OSBP2: variants seen among roughly 807,000 people sequenced by gnomAD.
OSBP2 encodes the protein oxysterol-binding protein 2.
OSBP2 carries 66 observed loss-of-function variants against 96.0 expected under a neutral mutation model. The observed-to-expected ratio is 0.69, with a 90% confidence interval of 0.56 to 0.84. The LOEUF (loss-of-function observed/expected upper bound fraction) is 0.84, where lower values mean the gene tolerates loss of function less well. OSBP2 is among the 40% of genes least tolerant of loss of function. OSBP2 has a pLI of 0.00. For missense variants in OSBP2, 1,038 were observed against 1,222.7 expected, an observed-to-expected ratio of 0.85 and a Z score of 2.25; for synonymous variants, 525 against 520.9, an observed-to-expected ratio of 1.01 and a Z score of -0.11.
At chr22:30,836,255 C>G (rs540486625) in intron 2 of OSBP2, among the ~76,000 whole-genome samples, 1 of 152,196 alleles carries the variant, frequency 6.6e-6, no homozygotes, top group African/African-American at 2.4e-5. Context: ...TCAAGTCCCC[C>G]TGCTCGCTTA....
At chr22:30,807,470 GCT>G (rs577142062) in intron 2 of OSBP2, among the ~76,000 whole-genome samples, 15 of 152,146 alleles carry the variant, frequency 9.9e-5, no homozygotes, top group South Asian at 2.1e-4. Flanking sequence ...CACAGATTCT[GCT>G]CTCGGCACTG....
intron 2 of OSBP2, among the ~76,000 whole-genome samples, chr22:30,759,792 C>T (rs1435252920): frequency 1.3e-5 from 2 of 152,180 alleles, no homozygotes; most frequent in East Asian, 3.8e-4. Flanking sequence ...AAAAGAATAA[C>T]ACTATTTCCA....
intron 3 of OSBP2, among the ~76,000 whole-genome samples, chr22:30,872,153 A>T (rs1264027450): frequency 6.6e-6 from 1 of 152,176 alleles, no homozygotes; most frequent in African/African-American, 2.4e-5. Context: ...TGTTGGCCCC[A>T]TTGTCACCTG....
intron 1 of OSBP2, among the ~76,000 whole-genome samples, chr22:30,723,923 C>T (rs974042705): frequency 6.6e-6 from 1 of 152,156 alleles, no homozygotes; most frequent in Non-Finnish European, 1.5e-5. Flanking sequence ...TTAGGGTTCA[C>T]TCTTGGTGCG....
intron 2 of OSBP2, among the ~76,000 whole-genome samples, chr22:30,831,766 T>G (rs11089478): frequency 1.3e-5 from 2 of 151,844 alleles, no homozygotes; most frequent in Non-Finnish European, 2.9e-5. Flanking sequence ...CCAAGGGACA[T>G]TCCAGATGCA....
chr22:30,849,072 G>C (rs1429626849), intron 2 of OSBP2, among the ~76,000 whole-genome samples: 1 of 152,040 alleles, frequency 6.6e-6, no homozygotes, highest in Non-Finnish European at 1.5e-5. Flanking sequence ...TTTGAGACCA[G>C]CCTGGCCAAC....
intron 2 of OSBP2, among the ~76,000 whole-genome samples, chr22:30,862,739 T>C (rs2039240837): frequency 1.3e-5 from 2 of 151,526 alleles, no homozygotes; most frequent in Non-Finnish European, 2.9e-5. Context: ...TTTGGGAGGC[T>C]AAGGTGGGTG....
intron 1 of OSBP2, among the ~76,000 whole-genome samples, chr22:30,719,214 C>T (rs995097631): frequency 9.2e-5 from 14 of 152,150 alleles, no homozygotes; most frequent in African/African-American, 3.1e-4. Context: ...TCTCTTTCAG[C>T]CTTAGTTTGT....
chr22:30,881,831 A>T lies in OSBP2; in HGVS notation c.1108-5595A>T, dbSNP rs994912502. Reference sequence around the variant, plus strand: ...GGTGCATCCGGGCTGGGGGAGGTGGACGGGCTCTCTGCATCCATGGGGTGA... The same window carrying T: ...GGTGCATCCGGGCTGGGGGAGGTGGTCGGGCTCTCTGCATCCATGGGGTGA... On this transcript the variant is annotated intron_variant, in intron 3 of 13. Coordinates refer to ENST00000332585, the MANE Select transcript of OSBP2 (RefSeq NM_030758.4). The surrounding 1 kb of genome is among the most constrained non-coding windows in gnomAD (Gnocchi z 4.5). 8.4e-6 allele frequency: 11 copies of T among 1,303,530 alleles called. No homozygotes were observed. Among genetic ancestry groups the T allele is most frequent in the Non-Finnish European group, 1.0e-5 (10 of 988,676 alleles). 80.7% of individuals were successfully genotyped at this position (1,303,530 alleles called of 1,614,324 possible).
intron 2 of OSBP2, among the ~76,000 whole-genome samples, chr22:30,829,614 C>G (rs773921385): frequency 6.6e-6 from 1 of 152,178 alleles, no homozygotes; most frequent in Non-Finnish European, 1.5e-5. Context: ...GCCACCACGC[C>G]GGGCCCTTAC....
chr22:30,768,840 C>A (rs548852741), intron 2 of OSBP2, among the ~76,000 whole-genome samples: 1 of 152,274 alleles, frequency 6.6e-6, no homozygotes, highest in South Asian at 2.1e-4. Flanking sequence ...GGAGTTTATT[C>A]TTTGTTACTG....
chr22:30,778,967 C>T (rs2090475135), intron 2 of OSBP2, among the ~76,000 whole-genome samples: 1 of 150,036 alleles, frequency 6.7e-6, no homozygotes, highest in South Asian at 2.1e-4. Flanking sequence ...ACCTGGGAGG[C>T]AGAGGTTGCA....
intron 2 of OSBP2, among the ~76,000 whole-genome samples, chr22:30,842,188 C>A (rs921980263): frequency 2.6e-5 from 4 of 152,150 alleles, no homozygotes; most frequent in Non-Finnish European, 5.9e-5. Context: ...GTGGGAGTAT[C>A]CCTTGAGCTC....
At chr22:30,904,118 T>TG (rs2040277542) in intron 12 of OSBP2, among the ~76,000 whole-genome samples, 1 of 152,084 alleles carries the variant, frequency 6.6e-6, no homozygotes, top group African/African-American at 2.4e-5. Context: ...GGGGAGCAGT[T>TG]GGGGGGTGGC....
At chr22:30,735,778 A>G (rs1220920564) in intron 1 of OSBP2, among the ~76,000 whole-genome samples, 1 of 152,000 alleles carries the variant, frequency 6.6e-6, no homozygotes, top group Non-Finnish European at 1.5e-5. Flanking sequence ...GCTGGAGTGC[A>G]GTGGCATGAT....
At chr22:30,848,955 A>G (rs1350976193) in intron 2 of OSBP2, among the ~76,000 whole-genome samples, 4 of 152,120 alleles carry the variant, frequency 2.6e-5, no homozygotes, top group Non-Finnish European at 5.9e-5. Flanking sequence ...TCATATCATA[A>G]GTGTATATTT....
At chr22:30,822,851 G>A (rs1490326350) in intron 2 of OSBP2, 4 of 686,352 alleles carry the variant, frequency 5.8e-6, no homozygotes, top group Non-Finnish European at 8.9e-6. Flanking sequence ...GGGAGCCTCG[G>A]GGAACCCCTG....
intron 2 of OSBP2, among the ~76,000 whole-genome samples, chr22:30,763,217 G>A (rs1348327973): frequency 6.6e-6 from 1 of 152,170 alleles, no homozygotes; most frequent in Non-Finnish European, 1.5e-5. Flanking sequence ...AGTCACTTTC[G>A]CAGCTTTAAA....
intron 8 of OSBP2, among the ~76,000 whole-genome samples, chr22:30,891,490 G>A (rs997528107): frequency 1.2e-4 from 18 of 152,320 alleles, no homozygotes; most frequent in East Asian, 1.2e-3. Flanking sequence ...GGTTGGAAAC[G>A]AGGTGATTCT....
Sources: allele counts gnomAD v4.1 joint callset (sites outside exome capture counted in the v4.1 genomes callset), GRCh38; gene constraint gnomAD v4.1.1; non-coding constraint Gnocchi (gnomAD v3.1); transcripts MANE v1.5; gene names NCBI Gene and HGNC (gene_info 2026-07-23, HGNC 2026-07-21).